EPB41L2: variants seen among roughly 807,000 people sequenced by gnomAD.
The protein encoded by EPB41L2 is erythrocyte membrane protein band 4.1 like 2, also known as band 4.1-like protein 2.
In EPB41L2, 43 loss-of-function variants were observed where a neutral mutation model predicts 113.0. The ratio of observed to expected loss-of-function variants is 0.38; its 90% CI spans 0.30 to 0.49. The LOEUF is 0.49. Among genes scored for constraint, EPB41L2 ranks in the 20% least tolerant of loss-of-function variants. The pLI, the probability that EPB41L2 is intolerant of heterozygous loss-of-function variation, is 0.95. For missense variants in EPB41L2, 1,147 were observed against 1,223.4 expected (o/e 0.94, Z 0.93); for synonymous variants, 442 against 436.7 (o/e 1.01, Z -0.15).
At chr6:130,851,648 A>C (rs1778800623) in intron 19 of EPB41L2, among the ~76,000 whole-genome samples, 1 of 152,158 alleles carries the variant, frequency 6.6e-6, no homozygotes, top group African/African-American at 2.4e-5. Context: ...ATGTGTTTTC[A>C]ACCTGTTACA....
rs181027107 is a variant in EPB41L2, at chr6:130,987,944, T to G, written c.-14-31445A>C. ...CCTGGGCAACATGGTGAGATCCCTA[T>G]CTCTACAAAAAAAATTAAAAATTAG... On this transcript the variant is annotated intron_variant, in intron 1 of 19. Transcript: ENST00000337057. Among the ~76,000 whole-genome samples the G allele has an allele frequency of 3.3e-5, 5 of 151,654 alleles. No individual in the cohort carries two copies. In the East Asian group the frequency reaches 9.7e-4, roughly 30 times the overall value.
intron 1 of EPB41L2, among the ~76,000 whole-genome samples, chr6:131,030,018 C>T (rs1042040185): frequency 5.3e-5 from 8 of 151,792 alleles, no homozygotes; most frequent in Non-Finnish European, 1.0e-4. Context: ...AACCACTGTT[C>T]GCAGTTCCTC....
chr6:131,023,739 C>CTATATA (rs201216677), intron 1 of EPB41L2, among the ~76,000 whole-genome samples: 18 of 138,830 alleles, frequency 1.3e-4, no homozygotes, highest in African/African-American at 4.4e-4. Context: ...GTATATATAT[C>CTATATA]TATATATCTA....
At chr6:131,053,122 C>T (rs1796891833) in intron 1 of EPB41L2, among the ~76,000 whole-genome samples, 1 of 152,074 alleles carries the variant, frequency 6.6e-6, no homozygotes, top group Non-Finnish European at 1.5e-5. Flanking sequence ...TCTCAAACTC[C>T]TGACCTCAGG....
intron 1 of EPB41L2, among the ~76,000 whole-genome samples, chr6:131,053,057 T>G (rs960201795): frequency 2.6e-5 from 4 of 151,924 alleles, no homozygotes; most frequent in Non-Finnish European, 5.9e-5. Flanking sequence ...CCACCACGCC[T>G]GGCTAATTTT....
At chr6:131,020,304 GT>G (rs1486341544) in intron 1 of EPB41L2, among the ~76,000 whole-genome samples, 1 of 151,754 alleles carries the variant, frequency 6.6e-6, no homozygotes, top group Non-Finnish European at 1.5e-5. Flanking sequence ...AATTATTGGT[GT>G]TTTTTCTATT....
chr6:131,040,123 C>G (rs76158537), intron 1 of EPB41L2, among the ~76,000 whole-genome samples: 1 of 152,160 alleles, frequency 6.6e-6, no homozygotes, highest in Admixed American at 6.5e-5. Context: ...TTTACCCCTA[C>G]TAAACTATAT....
intron 1 of EPB41L2, among the ~76,000 whole-genome samples, chr6:131,038,911 A>C (rs1025613383): frequency 4.6e-5 from 7 of 152,232 alleles, no homozygotes; most frequent in Non-Finnish European, 1.0e-4. Flanking sequence ...TACAAAACTG[A>C]AAAGAGTGAC....
chr6:130,947,986 G>T (rs1813515713), intron 3 of EPB41L2, among the ~76,000 whole-genome samples: 1 of 152,016 alleles, frequency 6.6e-6, no homozygotes, highest in African/African-American at 2.4e-5. Flanking sequence ...ATCTGCTGTG[G>T]GATAGCATCA....
chr6:130,929,547 C>G (rs1377037027), intron 3 of EPB41L2, among the ~76,000 whole-genome samples: 2 of 152,022 alleles, frequency 1.3e-5, no homozygotes, highest in African/African-American at 4.8e-5. Context: ...CTTTATTGAC[C>G]CATATGTGTC....
At position 130,955,089 on chromosome 6, in the gene EPB41L2, C is replaced by CA; in HGVS notation, c.705+15dup. 1.2e-6 allele frequency: 2 copies of CA among 1,610,506 alleles called. No individual in the cohort carries two copies. The highest frequency in any genetic ancestry group is 1.7e-6 in the Non-Finnish European group (2 of 1,176,798). ...TCCACATATCAAGCTAGCTCTCACT[C>CA]AGCTCCCTATCTCACCTCCAGGTCA... On this transcript the variant is annotated intron_variant, in intron 3 of 19. Transcript: ENST00000337057.
intron 19 of EPB41L2, among the ~76,000 whole-genome samples, chr6:130,855,855 A>G (rs1376891306): frequency 6.6e-6 from 1 of 152,124 alleles, no homozygotes; most frequent in Non-Finnish European, 1.5e-5. Context: ...AGAATGAAGA[A>G]AAAGAACACT....
chr6:130,983,051 T>G (rs1268475307), intron 1 of EPB41L2, among the ~76,000 whole-genome samples: 1 of 152,202 alleles, frequency 6.6e-6, no homozygotes, highest in African/African-American at 2.4e-5. Flanking sequence ...AAAGCAGCCT[T>G]TAGGTAAACA....
At chr6:130,846,287 T>A (rs1777024746) in intron 19 of EPB41L2, among the ~76,000 whole-genome samples, 1 of 152,234 alleles carries the variant, frequency 6.6e-6, no homozygotes, top group African/African-American at 2.4e-5. Flanking sequence ...TTTCACTATG[T>A]GATGATTTTT....
chr6:130,952,625 C>A (rs1815589345), intron 3 of EPB41L2, among the ~76,000 whole-genome samples: 1 of 151,974 alleles, frequency 6.6e-6, no homozygotes, highest in African/African-American at 2.4e-5. Flanking sequence ...CCATCCTGGC[C>A]ATGGTGGAAC....
At chr6:130,957,432 C>T (rs1817800897) in intron 1 of EPB41L2, among the ~76,000 whole-genome samples, 1 of 152,214 alleles carries the variant, frequency 6.6e-6, no homozygotes, top group Non-Finnish European at 1.5e-5. Flanking sequence ...TCTCCCCTCC[C>T]TTGCCAATAA....
intron 1 of EPB41L2, among the ~76,000 whole-genome samples, chr6:130,974,841 T>G (rs1253325340): frequency 1.4e-5 from 2 of 146,840 alleles, no homozygotes; most frequent in Non-Finnish European, 3.0e-5. Context: ...TTCTTCTGCC[T>G]CAGGCTCCCG....
At chr6:130,846,292 AT>A (rs1777027379) in intron 19 of EPB41L2, among the ~76,000 whole-genome samples, 1 of 152,214 alleles carries the variant, frequency 6.6e-6, no homozygotes, top group Admixed American at 6.5e-5. Context: ...CTATGTGATG[AT>A]TTTTAACTTA....
chr6:130,984,264 G>A (rs935531893), intron 1 of EPB41L2, among the ~76,000 whole-genome samples: 1 of 152,182 alleles, frequency 6.6e-6, no homozygotes, highest in Non-Finnish European at 1.5e-5. Flanking sequence ...TACAGTTAAA[G>A]TTTGTTTTTT....
Sources: allele counts gnomAD v4.1 joint callset (sites outside exome capture counted in the v4.1 genomes callset), GRCh38; gene constraint gnomAD v4.1.1; transcripts MANE v1.5; gene names NCBI Gene and HGNC (gene_info 2026-07-23, HGNC 2026-07-21).